The following GGT7 variants were observed in gnomAD, a reference collection of about 807,000 sequenced individuals.
GGT7 encodes glutathione hydrolase 7.
In GGT7, 30 loss-of-function variants were observed where a neutral mutation model predicts 69.2. That is an observed-to-expected ratio of 0.43 (90% confidence interval 0.32 to 0.59). The LOEUF is 0.59. Among genes scored for constraint, GGT7 ranks in the 20% least tolerant of loss-of-function variants. The pLI, the probability that GGT7 is intolerant of heterozygous loss-of-function variation, is 0.05. For missense variants in GGT7, 733 were observed against 901.1 expected (o/e 0.81, Z 2.39); for synonymous variants, 388 against 391.8 (o/e 0.99, Z 0.12).
rs188343312 is a variant in GGT7, at chr20:34,859,872, G to A, written c.817+97C>T. On this transcript the variant is annotated intron_variant, in intron 6 of 14. Transcript: ENST00000336431. ...GGGGAGGGGGTCTGAGGAGCAAACT[G>A]GAAGAGAGGGCCTCTCTGGCTTGGG... is the stretch of plus-strand genomic sequence containing the variant. 2.7e-5 allele frequency: 26 copies of A among 950,612 alleles called. No individual in the cohort carries two copies. In the East Asian group the frequency reaches 6.8e-4, roughly 25 times the overall value. The allele number at this position is 950,612 out of a possible 1,614,324, so 58.9% of individuals were successfully genotyped here.
chr20:34,856,994 T>A (rs1281979547), intron 7 of GGT7, 101 bp from the exon 8 acceptor site: 1 of 755,798 alleles, frequency 1.3e-6, no homozygotes, highest in Non-Finnish European at 2.4e-6. Flanking sequence ...GTTTATAACT[T>A]CTGTGCCTTC....
intron 4 of GGT7, among the ~76,000 whole-genome samples, chr20:34,861,152 T>A (rs1475011023): frequency 6.6e-6 from 1 of 152,048 alleles, no homozygotes; most frequent in Non-Finnish European, 1.5e-5. Context: ...TGGCTCAGAG[T>A]GAGATGTGTG....
At chr20:34,851,839 C>T (rs939540565) in intron 12 of GGT7, among the ~76,000 whole-genome samples, 20 of 152,214 alleles carry the variant, frequency 1.3e-4, no homozygotes, top group African/African-American at 1.9e-4. Context: ...AGTCACAGAC[C>T]GCTAGTGCTG....
chr20:34,852,885 A>C (rs918609712), intron 10 of GGT7, among the ~76,000 whole-genome samples: 5 of 152,174 alleles, frequency 3.3e-5, no homozygotes, highest in Admixed American at 2.6e-4. Flanking sequence ...ATTCATTTAA[A>C]CTAATGTTTG....
Position 34,845,112 on chromosome 20 carries a change from T to TCACCACCACCACCCCCAC in GGT7, c.*215_*216insGTGGGGGTGGTGGTGGTG. 2.6e-6 allele frequency: 1 copy of TCACCACCACCACCCCCAC among 388,898 alleles called. No individual in the cohort carries two copies. The highest frequency in any genetic ancestry group is 3.0e-5 in the South Asian group (1 of 33,652). The allele number at this position is 388,898 out of a possible 1,614,324, so 24.1% of individuals were successfully genotyped here. The stretch of plus-strand genomic sequence containing the variant: ...CTGGCTGTACTGTAGATGCTGACAC[T>TCACCACCACCACCCCCAC]CACCACCACCACCACCACCACCACC... On this transcript the variant is annotated 3_prime_UTR_variant, in exon 15 of 15. Transcript: ENST00000336431.
intron 14 of GGT7, among the ~76,000 whole-genome samples, chr20:34,846,590 G>A (rs1378004753): frequency 1.3e-5 from 2 of 151,882 alleles, no homozygotes; most frequent in Admixed American, 6.6e-5. Flanking sequence ...GATTACAGGC[G>A]TGAGCCACCG....
rs2079280410 is a variant in GGT7, at chr20:34,845,132, A to ACCC, written c.*195_*196insGGG. 7 of 323,392 alleles carry ACCC rather than the reference A, an allele frequency of 2.2e-5. No homozygotes were observed. The highest frequency in any genetic ancestry group is 2.4e-5 in the Non-Finnish European group (4 of 169,754). The allele number at this position is 323,392 out of a possible 1,614,324, so 20.0% of individuals were successfully genotyped here. A position where few individuals can be genotyped will look rare whatever the true frequency, so the allele number is the denominator to read the frequency against. ...GACACTCACCACCACCACCACCACCACCACCACCACCACCACCACCACAGG... is the reference window on the plus strand; with the variant it reads ...GACACTCACCACCACCACCACCACCACCCCCACCACCACCACCACCACCACAGG... On this transcript the variant is annotated 3_prime_UTR_variant, in exon 15 of 15. Transcript: ENST00000336431.
chr20:34,863,060 T>A lies in GGT7; in HGVS notation c.406-95A>T. The A allele has an allele frequency of 4.1e-6, 5 of 1,228,892 alleles. No homozygotes were observed. The highest frequency in any genetic ancestry group is 5.7e-6 in the Non-Finnish European group (5 of 876,214). The allele number at this position is 1,228,892 out of a possible 1,614,324, so 76.1% of individuals were successfully genotyped here. The stretch of plus-strand genomic sequence containing the variant: ...CCTAGAACTCTACGCGGCATGAAGG[T>A]CGAAGCCCTGCCCCCTTGTTGCCTT... On this transcript the variant is annotated intron_variant, in intron 2 of 14. Transcript: ENST00000336431. The surrounding 1 kb of genome is among the most constrained non-coding windows in gnomAD (Gnocchi z 4.4).
chr20:34,854,090 C>A (rs1403781212), intron 10 of GGT7, among the ~76,000 whole-genome samples: 1 of 152,158 alleles, frequency 6.6e-6, no homozygotes, highest in Admixed American at 6.6e-5. Flanking sequence ...GCACGCGCCA[C>A]CACGCCCGGC....
In GGT7 at chr20:34,851,334, G is replaced by A; in HGVS notation, c.1622C>T (p.Ser541Phe). Residue 541 changes from serine to phenylalanine, a missense_variant, in exon 13 of 15, where the codon TCT becomes TTT. Physicochemically the swap from Ser to Phe is radical, Grantham distance 155. Coordinates refer to ENST00000336431, the MANE Select transcript of GGT7 (RefSeq NM_178026.3). ...TCGGACCACTGTGGGCAGCAGGAAA[G>A]AGAGTGGCCGCTTCCCTGGCTGCAC... ...NSVQPGKRPL[S>F]FLLPTVVRPA... The A allele has an allele frequency of 1.2e-6, 2 of 1,613,834 alleles. No homozygotes were observed. Among genetic ancestry groups the A allele is most frequent in the Non-Finnish European group, 1.7e-6 (2 of 1,179,962 alleles).
Position 34,852,277 on chromosome 20 carries a change from G to A in GGT7, c.1470-5C>T. ...CCAAAGGGCTGGTTCAGGGAGCTGG[G>A]GGCCGAGGTGGGGTTGGGTGAGCCC... On this transcript the variant is annotated splice_polypyrimidine_tract_variant and splice_region_variant and intron_variant, in intron 11 of 14. Coordinates refer to ENST00000336431, the MANE Select transcript of GGT7 (RefSeq NM_178026.3). 1 of 1,610,062 alleles carries A rather than the reference G, an allele frequency of 6.2e-7. No homozygotes were observed. Among genetic ancestry groups the A allele is most frequent in the African/African-American group, 1.3e-5 (1 of 74,976 alleles).
rs547350646 is a variant in GGT7, at chr20:34,872,829, C to G, written c.-14G>C. The G allele has an allele frequency of 1.5e-6, 2 of 1,335,540 alleles. No individual in the cohort carries two copies. Among genetic ancestry groups the G allele is most frequent in the Non-Finnish European group, 1.9e-6 (2 of 1,036,570 alleles). 82.7% of individuals were successfully genotyped at this position (1,335,540 alleles called of 1,614,324 possible). On this transcript the variant is annotated 5_prime_UTR_variant, in exon 1 of 15. Transcript: ENST00000336431. ...CTCCGCCGCCATCCTCGCCCGCGCC[C>G]CCCAGCAGCGCAGCGCCTGCCGGAA...
intron 5 of GGT7, 104 bp from the exon 6 acceptor site, chr20:34,860,146 G>C: frequency 9.8e-7 from 1 of 1,021,498 alleles, no homozygotes. Flanking sequence ...AAGGGAAGGG[G>C]ATATTAGGAG....
Position 34,850,026 on chromosome 20 carries a change from A to G in GGT7, c.1760T>C (p.Leu587Pro), listed in dbSNP as rs763031423. 8 of 1,613,994 alleles carry G rather than the reference A, an allele frequency of 5.0e-6. No individual in the cohort carries two copies. The South Asian group carries it at 8.8e-5, about 18-fold the overall frequency. Residue 587 changes from leucine (L) to proline (P), a missense_variant, in exon 14 of 15, where the codon CTG (leucine) becomes CCG (proline). By Grantham distance (98) the Leu-to-Pro change is moderately conservative (BLOSUM62 -3). Coordinates refer to ENST00000336431, the MANE Select transcript of GGT7 (RefSeq NM_178026.3). The part of the protein sequence containing the change: ...LLNVLTLNRN[L>P]SDSLARGRLH... Reference sequence around the variant, plus strand: ...GCGGCCGCGGGCCAGGCTGTCACTCAGGTTCCGGTTCAAGGTCAGGACATT... The same window carrying G: ...GCGGCCGCGGGCCAGGCTGTCACTCGGGTTCCGGTTCAAGGTCAGGACATT...
At chr20:34,867,210 C>G (rs2079705994) in intron 1 of GGT7, among the ~76,000 whole-genome samples, 1 of 152,188 alleles carries the variant, frequency 6.6e-6, no homozygotes, top group Admixed American at 6.5e-5. Context: ...CAGGCGTGAG[C>G]CACAGCACCC....
chr20:34,869,145 AAAAT>A (rs1300410526), intron 1 of GGT7, among the ~76,000 whole-genome samples: 6 of 150,674 alleles, frequency 4.0e-5, no homozygotes, highest in South Asian at 2.1e-4. Context: ...GAGAATCACT[AAAAT>A]AAATAAATAA....
intron 4 of GGT7, 108 bp from the exon 5 acceptor site, chr20:34,860,429 A>G: frequency 1.2e-6 from 1 of 830,706 alleles, no homozygotes; most frequent in Non-Finnish European, 2.0e-6. Flanking sequence ...CACAGGGGAG[A>G]GACACAGGCC....
chr20:34,869,593 A>C (rs1380556056), intron 1 of GGT7, among the ~76,000 whole-genome samples: 1 of 152,162 alleles, frequency 6.6e-6, no homozygotes, highest in African/African-American at 2.4e-5. Context: ...AATAATATTG[A>C]TAAGAGAGGT....
At position 34,859,791 on chromosome 20, in the gene GGT7, G is replaced by A. The variant is rs986686688; in HGVS notation, c.818-152C>T. ...TAAGTGCGAGGCAGGGATGTCTAAGGGCCCTTCCCAGACCCCCTCGTTTGA... is the reference window on the plus strand; with the variant it reads ...TAAGTGCGAGGCAGGGATGTCTAAGAGCCCTTCCCAGACCCCCTCGTTTGA... On this transcript the variant is annotated intron_variant, in intron 6 of 14. Coordinates refer to ENST00000336431, the MANE Select transcript of GGT7 (RefSeq NM_178026.3). The A allele has an allele frequency of 2.3e-5, 19 of 834,352 alleles. No individual in the cohort carries two copies. In the African/African-American group the frequency reaches 3.1e-4, roughly 13 times the overall value. The allele number at this position is 834,352 out of a possible 1,614,324, so 51.7% of individuals were successfully genotyped here. A position where few individuals can be genotyped will look rare whatever the true frequency, so the allele number is the denominator to read the frequency against.
Sources: gnomAD v4.1 joint callset for allele counts (sites outside exome capture counted in the v4.1 genomes callset) on GRCh38, gnomAD v4.1.1 for gene constraint, Gnocchi (gnomAD v3.1) non-coding constraint, MANE v1.5 for transcripts, NCBI Gene and HGNC (gene_info 2026-07-23, HGNC 2026-07-21) for gene names.